Variants in NDRG3 observed in about 807,000 individuals in gnomAD.
The protein encoded by NDRG3 is protein NDRG3.
NDRG3 carries 23 observed loss-of-function variants against 57.2 expected under a neutral mutation model. The ratio of observed to expected loss-of-function variants is 0.40; its 90% CI spans 0.29 to 0.57. The LOEUF (loss-of-function observed/expected upper bound fraction) is 0.57, where lower values mean the gene tolerates loss of function less well. Ranked by LOEUF, NDRG3 falls within the 20% of genes least tolerant of loss-of-function variation. The probability of loss-of-function intolerance (pLI) is 0.42; values close to 1 mark genes in which losing one functional copy is unlikely to be tolerated. For missense variants in NDRG3, 384 were observed against 457.3 expected, an observed-to-expected ratio of 0.84 and a Z score of 1.46; for synonymous variants, 132 against 162.6, an observed-to-expected ratio of 0.81 and a Z score of 1.43.
At chr20:36,688,546 T>A in intron 4 of NDRG3, 133 bp downstream of exon 4, 1 of 667,242 alleles carries the variant, frequency 1.5e-6, no homozygotes, top group Non-Finnish European at 2.6e-6. Flanking sequence ...CATTAACGAA[T>A]GTAGGAACAA....
intron 3 of NDRG3, among the ~76,000 whole-genome samples, chr20:36,694,914 T>C (rs938066715): frequency 6.6e-6 from 1 of 152,140 alleles, no homozygotes; most frequent in Non-Finnish European, 1.5e-5. Context: ...CATGCCACCA[T>C]GCTCGGCTAA....
intron 1 of NDRG3, among the ~76,000 whole-genome samples, chr20:36,736,835 C>G (rs1985634414): frequency 6.6e-6 from 1 of 152,146 alleles, no homozygotes; most frequent in African/African-American, 2.4e-5. Context: ...GCTATCCCCC[C>G]TATCTCCATA....
At chr20:36,732,941 G>T (rs1330721536) in intron 1 of NDRG3, among the ~76,000 whole-genome samples, 3 of 151,420 alleles carry the variant, frequency 2.0e-5, no homozygotes, top group Non-Finnish European at 4.4e-5. Context: ...GAGCCCAGGA[G>T]TTTGAGACCA....
At chr20:36,734,150 T>C (rs1348874711) in intron 1 of NDRG3, among the ~76,000 whole-genome samples, 1 of 151,232 alleles carries the variant, frequency 6.6e-6, no homozygotes. Flanking sequence ...ACCTTTGCAG[T>C]GAGCTGAGAT....
intron 1 of NDRG3, among the ~76,000 whole-genome samples, chr20:36,740,926 A>G (rs1284587228): frequency 6.6e-6 from 1 of 152,188 alleles, no homozygotes; most frequent in Non-Finnish European, 1.5e-5. Flanking sequence ...GAAACCTGGT[A>G]AATATCCATA....
chr20:36,674,688 C>A (rs1980500371), intron 8 of NDRG3, among the ~76,000 whole-genome samples: 1 of 149,714 alleles, frequency 6.7e-6, no homozygotes, highest in Non-Finnish European at 1.5e-5. Context: ...ACCTTGAACA[C>A]CTGGGCTCAA....
intron 1 of NDRG3, among the ~76,000 whole-genome samples, chr20:36,731,933 C>T (rs1985310833): frequency 6.6e-6 from 1 of 152,068 alleles, no homozygotes; most frequent in African/African-American, 2.4e-5. Flanking sequence ...CCAGCCTGAG[C>T]AACACAGTGA....
At chr20:36,744,375 C>T (rs985779030) in intron 1 of NDRG3, among the ~76,000 whole-genome samples, 5 of 151,706 alleles carry the variant, frequency 3.3e-5, no homozygotes, top group Non-Finnish European at 7.4e-5. Flanking sequence ...AAGAACACCA[C>T]GCTTTGAGTA....
chr20:36,723,308 C>T (rs1984710063), intron 1 of NDRG3, among the ~76,000 whole-genome samples: 1 of 152,186 alleles, frequency 6.6e-6, no homozygotes, highest in African/African-American at 2.4e-5. Flanking sequence ...ACAAATTCTT[C>T]TTCTATCTCA....
At position 36,671,368 on chromosome 20, in the gene NDRG3, G is replaced by A; in HGVS notation, c.561C>T (p.Asp187=). 1 of 1,613,870 alleles carries A rather than the reference G, an allele frequency of 6.2e-7. No homozygotes were observed. The highest frequency in any genetic ancestry group is 1.1e-5 in the South Asian group (1 of 91,060). The change falls in exon 9 of 16, where the codon GAC becomes GAT. Residue 187 remains aspartate, a synonymous_variant. Coordinates refer to ENST00000349004, the MANE Select transcript of NDRG3 (RefSeq NM_032013.4). ...KLSGLTTNVV[D]IILAHHFGQE... ...GCCCAAAGTGATGAGCCAAAATAAT[G>A]TCCACAACATTGGTTGTCAGGCCAG...
In NDRG3 at chr20:36,724,936, TA is replaced by T. The variant is rs369695593; in HGVS notation, c.-48-3154del. Among the ~76,000 whole-genome samples the T allele has an allele frequency of 5.4e-4, 81 of 150,056 alleles. No homozygotes were observed. In the East Asian group the frequency reaches 7.1e-3, roughly 13 times the overall value. ...AGAACAAGACTCTGTCTCAAAAATT[TA>T]AAAACAAAACAAAACAAAACCAGCT... On this transcript the variant is annotated intron_variant, in intron 1 of 15. Coordinates refer to ENST00000349004, the MANE Select transcript of NDRG3 (RefSeq NM_032013.4).
chr20:36,654,071 A>C (rs1321436120), intron 15 of NDRG3, among the ~76,000 whole-genome samples: 1 of 152,238 alleles, frequency 6.6e-6, no homozygotes, highest in African/African-American at 2.4e-5. Context: ...CCAAAAGAAA[A>C]GAAAGACACA....
intron 15 of NDRG3, chr20:36,654,701 C>T (rs769669001): frequency 3.6e-5 from 27 of 754,554 alleles, no homozygotes; most frequent in East Asian, 9.9e-5. Context: ...CACGTTCTAT[C>T]GGGCTCTCAC....
chr20:36,720,154 G>A (rs1345911821), intron 2 of NDRG3, among the ~76,000 whole-genome samples: 12 of 151,564 alleles, frequency 7.9e-5, no homozygotes, highest in Non-Finnish European at 1.5e-4. Context: ...GAACAATAAG[G>A]AACAAGAGAG....
intron 9 of NDRG3, among the ~76,000 whole-genome samples, chr20:36,667,489 G>A (rs1979735255): frequency 6.6e-6 from 1 of 152,110 alleles, no homozygotes; most frequent in Non-Finnish European, 1.5e-5. Flanking sequence ...TAAAATACGA[G>A]AGAAACAAAA....
At chr20:36,725,243 G>A (rs1984852852) in intron 1 of NDRG3, among the ~76,000 whole-genome samples, 1 of 152,024 alleles carries the variant, frequency 6.6e-6, no homozygotes, top group Admixed American at 6.6e-5. Context: ...GTTGCAGTAA[G>A]CTGAGATTGC....
At chr20:36,666,505 C>G (rs1467531066) in intron 9 of NDRG3, 113 bp from the exon 10 acceptor site, 3 of 734,446 alleles carry the variant, frequency 4.1e-6, no homozygotes, top group Non-Finnish European at 7.3e-6. Flanking sequence ...ATGATGGGAA[C>G]TGGGGCAGAG....
At chr20:36,689,334 G>A (rs1294689535) in intron 3 of NDRG3, among the ~76,000 whole-genome samples, 2 of 152,272 alleles carry the variant, frequency 1.3e-5, no homozygotes, top group Non-Finnish European at 2.9e-5. Context: ...ACGAGCCCAG[G>A]GATCTGTTGA....
At chr20:36,699,396 C>CG (rs1322699522) in intron 3 of NDRG3, among the ~76,000 whole-genome samples, 6 of 151,876 alleles carry the variant, frequency 4.0e-5, no homozygotes, top group Non-Finnish European at 5.9e-5. Flanking sequence ...AAGAATAAAG[C>CG]GGGGGGAGGC....
Sources: allele counts gnomAD v4.1 joint callset (sites outside exome capture counted in the v4.1 genomes callset), GRCh38; gene constraint gnomAD v4.1.1; transcripts MANE v1.5; gene names NCBI Gene and HGNC (gene_info 2026-07-23, HGNC 2026-07-21).